Variants in FKBP15 observed in about 807,000 individuals in gnomAD.
The protein encoded by FKBP15 is FK506-binding protein 15.
Under a neutral mutation model 158.1 loss-of-function variants are expected in FKBP15, and 106 were observed. The ratio of observed to expected loss-of-function variants is 0.67; its 90% CI spans 0.57 to 0.79. The LOEUF is 0.79. FKBP15 is among the 30% of genes least tolerant of loss of function. The pLI, the probability that FKBP15 is intolerant of heterozygous loss-of-function variation, is 0.00. For missense variants in FKBP15, 1,287 were observed against 1,479.1 expected (o/e 0.87, Z 2.13); for synonymous variants, 547 against 548.6 (o/e 1.00, Z 0.04).
At chr9:113,193,445 GA>G in intron 11 of FKBP15, 46 bp downstream of exon 11, 1 of 1,488,826 alleles carries the variant, frequency 6.7e-7, no homozygotes, top group African/African-American at 1.4e-5. Context: ...AAAGTGTTAG[GA>G]TTACAGGTGT....
chr9:113,188,352 C>A, intron 13 of FKBP15, 37 bp downstream of exon 13: 1 of 1,487,368 alleles, frequency 6.7e-7, no homozygotes, highest in South Asian at 1.1e-5. Context: ...CATGCTGACC[C>A]AGTTCAAGGC....
chr9:113,196,800 T>C, intron 9 of FKBP15, 132 bp downstream of exon 9: 1 of 1,154,198 alleles, frequency 8.7e-7, no homozygotes, highest in Non-Finnish European at 1.2e-6. Context: ...CTACTCCATT[T>C]CTAATTTTTC....
chr9:113,167,140 T>C (rs945734529), intron 27 of FKBP15, among the ~76,000 whole-genome samples: 1 of 152,244 alleles, frequency 6.6e-6, no homozygotes, highest in South Asian at 2.1e-4. Flanking sequence ...TTCTGTTTTG[T>C]CCTGACTAAA....
rs915609759 is a variant in FKBP15, at chr9:113,184,521, AAGTT to A, written c.1609-126_1609-123del. Reference sequence around the variant, plus strand: ...GTTCCTGGGACAATCTCTAACTGTTAAGTTAGAGTTTTCTCCTACTAACTGGATC... The same window carrying A: ...GTTCCTGGGACAATCTCTAACTGTTAAGAGTTTTCTCCTACTAACTGGATC... On this transcript the variant is annotated intron_variant, in intron 16 of 27. Coordinates refer to ENST00000238256, the MANE Select transcript of FKBP15 (RefSeq NM_015258.2). The surrounding 1 kb of genome is among the most constrained non-coding windows in gnomAD (Gnocchi z 4.5). 1 of 931,456 alleles carries A rather than the reference AAGTT, an allele frequency of 1.1e-6. No individual in the cohort carries two copies. Among genetic ancestry groups the A allele is most frequent in the Non-Finnish European group, 1.7e-6 (1 of 597,330 alleles). The allele number at this position is 931,456 out of a possible 1,614,324, so 57.7% of individuals were successfully genotyped here.
At chr9:113,191,790 T>C (rs1830580303) in intron 11 of FKBP15, among the ~76,000 whole-genome samples, 1 of 151,524 alleles carries the variant, frequency 6.6e-6, no homozygotes, top group Non-Finnish European at 1.5e-5. Context: ...TGAAAGAATA[T>C]ATAAGAAACT....
At position 113,171,603 on chromosome 9, in the gene FKBP15, G is replaced by A. The variant is rs1376345434; in HGVS notation, c.2636C>T (p.Ala879Val). 1.6e-5 allele frequency: 26 copies of A among 1,607,280 alleles called. No individual in the cohort carries two copies. Among genetic ancestry groups the A allele is most frequent in the Middle Eastern group, 1.7e-4 (1 of 6,056 alleles). Residue 879 changes from alanine to valine, a missense_variant, in exon 24 of 28, where the codon GCT becomes GTT. Transcript: ENST00000238256. ...CACCTTCTCTGAGGGGTCAGATGCA[G>A]CAGCTTCAACCCCAGACATCTGGGA... The part of the protein sequence containing the change: ...NKSQMSGVEA[A>V]ASDPSEKVKK...
intron 4 of FKBP15, among the ~76,000 whole-genome samples, chr9:113,204,571 T>C (rs1180129464): frequency 6.6e-6 from 1 of 152,244 alleles, no homozygotes; most frequent in Non-Finnish European, 1.5e-5. Flanking sequence ...TTCAGTACTT[T>C]AAAGATATAA....
rs753612977 is a variant in FKBP15, at chr9:113,194,181, C to G, written c.865-12G>C. The G allele has an allele frequency of 2.8e-5, 45 of 1,590,246 alleles. No individual in the cohort carries two copies. The African/African-American group carries it at 5.3e-4, about 19-fold the overall frequency. The stretch of plus-strand genomic sequence containing the variant: ...CTGGCAAACTTCACCTAAGGAAACA[C>G]CGCATATTCTCACTCATAGGTGGGA... On this transcript the variant is annotated splice_polypyrimidine_tract_variant and intron_variant, in intron 9 of 27. Coordinates refer to ENST00000238256, the MANE Select transcript of FKBP15 (RefSeq NM_015258.2).
Position 113,162,588 on chromosome 9 carries a change from G to T in FKBP15, c.*3490C>A. 1.7e-6 allele frequency: 1 copy of T among 583,272 alleles called. No homozygotes were observed. The highest frequency in any genetic ancestry group is 2.7e-5 in the South Asian group (1 of 36,990). 36.1% of individuals were successfully genotyped at this position (583,272 alleles called of 1,614,324 possible). A position where few individuals can be genotyped will look rare whatever the true frequency, so the allele number is the denominator to read the frequency against. On this transcript the variant is annotated 3_prime_UTR_variant, in exon 28 of 28. Transcript: ENST00000238256. ...AAATCTCGAGTTTTTTCTGGGGGCGGGGGTGGGAGGGGCAGAAAGAAATCA... is the reference window on the plus strand; with the variant it reads ...AAATCTCGAGTTTTTTCTGGGGGCGTGGGTGGGAGGGGCAGAAAGAAATCA...
In FKBP15 at chr9:113,169,312, C is replaced by A; in HGVS notation, c.3397G>T (p.Gly1133Cys). The change falls in exon 26 of 28, where the codon GGT becomes TGT. Residue 1133 changes from glycine (G) to cysteine (C), a missense_variant. Transcript: ENST00000238256. ...LKKDDVTSST[G>C]PHKELSSTEA... is the part of the protein sequence containing the mutation. The stretch of plus-strand genomic sequence containing the variant: ...GTGCTTGACAGCTCCTTGTGGGGAC[C>A]GGTGGAGCTAGTGACATCATCTTTC... 1 of 1,614,024 alleles carries A rather than the reference C, an allele frequency of 6.2e-7. No individual in the cohort carries two copies.
chr9:113,166,268 GT>G, intron 27 of FKBP15, 113 bp from the exon 28 acceptor site: 1 of 973,876 alleles, frequency 1.0e-6, no homozygotes, highest in East Asian at 2.7e-5. Context: ...CAGAAAGGAG[GT>G]TGTACTGACA....
chr9:113,202,674 AC>A, intron 5 of FKBP15, 45 bp from the exon 6 acceptor site: 1 of 1,446,522 alleles, frequency 6.9e-7, no homozygotes, highest in Non-Finnish European at 9.5e-7. Context: ...GCAGTATTAT[AC>A]CAGATAAACA....
chr9:113,187,924 CT>C, intron 13 of FKBP15, 25 bp from the exon 14 acceptor site: 1 of 1,549,912 alleles, frequency 6.5e-7, no homozygotes, highest in Non-Finnish European at 8.9e-7. Context: ...GACATTTTCA[CT>C]GTTATCCACC....
intron 26 of FKBP15, 86 bp downstream of exon 26, chr9:113,169,138 G>T: frequency 6.8e-7 from 1 of 1,477,904 alleles, no homozygotes; most frequent in Non-Finnish European, 9.0e-7. Flanking sequence ...TAGTCTCTGA[G>T]GGATGAGTTG....
intron 20 of FKBP15, 131 bp from the exon 21 acceptor site, chr9:113,176,804 AG>A: frequency 1.0e-6 from 1 of 980,426 alleles, no homozygotes; most frequent in Non-Finnish European, 1.5e-6. Flanking sequence ...GCTGGAGTGC[AG>A]TGGTGTGATC....
At chr9:113,204,916 C>A (rs990557800) in intron 4 of FKBP15, among the ~76,000 whole-genome samples, 1 of 150,232 alleles carries the variant, frequency 6.7e-6, no homozygotes, top group Non-Finnish European at 1.5e-5. Context: ...TTTTAAGTGC[C>A]TTGTATGTTA....
chr9:113,194,423 AAATAAATAAATAAAT>A (rs992245517), intron 9 of FKBP15, among the ~76,000 whole-genome samples: 8 of 142,468 alleles, frequency 5.6e-5, no homozygotes, highest in East Asian at 1.9e-4. Context: ...TAATAATAAA[AAATAAATAAATAAAT>A]AATAAATAAA....
At chr9:113,213,370 C>T (rs891118376) in intron 1 of FKBP15, among the ~76,000 whole-genome samples, 1 of 151,002 alleles carries the variant, frequency 6.6e-6, no homozygotes, top group African/African-American at 2.4e-5. Context: ...GATCACGCCA[C>T]TGCACTCCAG....
At chr9:113,217,201 GTTTT>G (rs979783485) in intron 1 of FKBP15, among the ~76,000 whole-genome samples, 3 of 89,416 alleles carry the variant, frequency 3.4e-5, no homozygotes, top group Non-Finnish European at 6.2e-5. Context: ...ACCACGCCCA[GTTTT>G]TTTTTTTTTT....
Sources: gnomAD v4.1 joint callset for allele counts (sites outside exome capture counted in the v4.1 genomes callset) on GRCh38, gnomAD v4.1.1 for gene constraint, Gnocchi (gnomAD v3.1) non-coding constraint, MANE v1.5 for transcripts, NCBI Gene and HGNC (gene_info 2026-07-23, HGNC 2026-07-21) for gene names.